PAQR7: variants seen among roughly 807,000 people sequenced by gnomAD.
PAQR7 encodes the protein progestin and adipoQ receptor family member 7, also known as membrane progestin receptor alpha.
A neutral mutation model predicts 24.6 loss-of-function variants in PAQR7; 14 were observed. The ratio of observed to expected loss-of-function variants is 0.57; its 90% CI spans 0.38 to 0.89. The LOEUF (loss-of-function observed/expected upper bound fraction) is 0.89, where lower values mean the gene tolerates loss of function less well. PAQR7 is among the 40% of genes least tolerant of loss of function. PAQR7 has a pLI of 0.00. For missense variants in PAQR7, 351 were observed against 444.0 expected (o/e 0.79, Z 1.88); for synonymous variants, 189 against 198.8 (o/e 0.95, Z 0.42).
intron 2 of PAQR7, among the ~76,000 whole-genome samples, chr1:25,868,370 C>T (rs571312942): frequency 4.9e-4 from 75 of 152,262 alleles, no homozygotes; most frequent in African/African-American, 1.6e-3. Context: ...TCCTGTGCTC[C>T]ATATCCCACT....
At position 25,862,951 on chromosome 1, in the gene PAQR7, A is replaced by G; in HGVS notation, c.889T>C (p.Tyr297His). 1 of 1,614,190 alleles carries G rather than the reference A, an allele frequency of 6.2e-7. No individual in the cohort carries two copies. Among genetic ancestry groups the G allele is most frequent in the Non-Finnish European group, 8.5e-7 (1 of 1,180,058 alleles). ...LAQLEAVALD[Y>H]EARRPIYEPL... ...TCATAGATGGGCCGTCGGGCCTCAT[A>G]GTCCAGTGCCACAGCCTCCAGCTGA... The change falls in exon 3 of 3, where the codon TAT (tyrosine) becomes CAT (histidine). Residue 297 changes from tyrosine to histidine, a missense_variant. Physicochemically the swap from Tyr to His is moderately conservative, Grantham distance 83. Coordinates refer to ENST00000675840, the MANE Select transcript of PAQR7 (RefSeq NM_178422.6).
At position 25,875,040 on chromosome 1, in the gene PAQR7, T is replaced by C. The variant is rs2048637801; in HGVS notation, c.-109+448A>G. Among the ~76,000 whole-genome samples the C allele has an allele frequency of 1.3e-5, 2 of 152,154 alleles. No individual in the cohort carries two copies. The highest frequency in any genetic ancestry group is 2.9e-5 in the Non-Finnish European group (2 of 68,024). ...ATTCCTCCTCCAGAAAGCAGTGAGC[T>C]CCCTGACTGTCCTGCTCCAGGAAGG... is the stretch of plus-strand genomic sequence containing the variant. On this transcript the variant is annotated intron_variant, in intron 1 of 2. Transcript: ENST00000675840. This position sits in a 1 kb window ranked among gnomAD's most constrained non-coding sequence, Gnocchi z 5.4.
chr1:25,867,098 T>C (rs1003015653), intron 2 of PAQR7, among the ~76,000 whole-genome samples: 3 of 152,204 alleles, frequency 2.0e-5, no homozygotes, highest in Non-Finnish European at 4.4e-5. Context: ...TAATCACAGC[T>C]CACTGCAGCC....
intron 2 of PAQR7, among the ~76,000 whole-genome samples, chr1:25,869,032 CAGG>C (rs1426095377): frequency 6.6e-6 from 1 of 151,858 alleles, no homozygotes; most frequent in East Asian, 1.9e-4. Flanking sequence ...GAAGCTAAGG[CAGG>C]AGAAGGCCTT....
intron 2 of PAQR7, among the ~76,000 whole-genome samples, chr1:25,866,857 C>T (rs1186977791): frequency 2.0e-5 from 3 of 152,102 alleles, no homozygotes; most frequent in Non-Finnish European, 2.9e-5. Flanking sequence ...CTCAGCCTCC[C>T]GAGTACCTAG....
intron 2 of PAQR7, among the ~76,000 whole-genome samples, chr1:25,869,450 T>A (rs1377181994): frequency 6.6e-6 from 1 of 151,808 alleles, no homozygotes; most frequent in Non-Finnish European, 1.5e-5. Context: ...TGCATGCTTG[T>A]AATCCCAGCT....
At position 25,875,597 on chromosome 1, in the gene PAQR7, C is replaced by G. The variant is rs958777899; in HGVS notation, c.-218G>C. ...CCCAAGCCGGGGGAGGGCGGGCGGC[C>G]TCGGGCGCTCTGGCTACAGCCGCCT... On this transcript the variant is annotated 5_prime_UTR_variant, in exon 1 of 3. Transcript: ENST00000675840. The surrounding 1 kb of genome is among the most constrained non-coding windows in gnomAD (Gnocchi z 5.4). Among the ~76,000 whole-genome samples the G allele has an allele frequency of 9.3e-5, 14 of 151,130 alleles. No homozygotes were observed. The highest frequency in any genetic ancestry group is 3.4e-4 in the African/African-American group (14 of 41,208).
At position 25,863,944 on chromosome 1, in the gene PAQR7, C is replaced by T. The variant is rs568914873; in HGVS notation, c.-22-83G>A. 7 of 976,992 alleles carry T rather than the reference C, an allele frequency of 7.2e-6. No individual in the cohort carries two copies. Among genetic ancestry groups the T allele is most frequent in the Non-Finnish European group, 9.0e-6 (6 of 669,710 alleles). The allele number at this position is 976,992 out of a possible 1,614,324, so 60.5% of individuals were successfully genotyped here. On this transcript the variant is annotated intron_variant, in intron 2 of 2. Coordinates refer to ENST00000675840, the MANE Select transcript of PAQR7 (RefSeq NM_178422.6). The surrounding 1 kb of genome is among the most constrained non-coding windows in gnomAD (Gnocchi z 6.1). ...AGCTGGGGGGCTCTGATGCCCAAAT[C>T]CTACTCCCTCCTCTCCGACAGCCTT...
rs1308220681 is a variant in PAQR7, at chr1:25,863,737, G to C, written c.103C>G (p.Arg35Gly). The change falls in exon 3 of 3, where the codon CGA becomes GGA. Residue 35 changes from arginine to glycine, a missense_variant. Coordinates refer to ENST00000675840, the MANE Select transcript of PAQR7 (RefSeq NM_178422.6). This position sits in a 1 kb window ranked among gnomAD's most constrained non-coding sequence, Gnocchi z 6.1. ...CAGAAGAGCGGCGGCACCTCAGCTC[G>C]ATCCACCGTGAAGACAGGCTCTGGC... ...LQPEPVFTVD[R>G]AEVPPLFWKP... 2 of 1,613,936 alleles carry C rather than the reference G, an allele frequency of 1.2e-6. No individual in the cohort carries two copies. Among genetic ancestry groups the C allele is most frequent in the Admixed American group, 1.7e-5 (1 of 60,018 alleles).
chr1:25,865,396 C>T (rs552653148), intron 2 of PAQR7, among the ~76,000 whole-genome samples: 5 of 152,204 alleles, frequency 3.3e-5, no homozygotes, highest in Non-Finnish European at 5.9e-5. Flanking sequence ...ACAACATGAC[C>T]GGGCGCAGTG....
In PAQR7 at chr1:25,862,012, CAAAAAAAAAAAAAAAAAAA is replaced by C. The variant is rs536655473; in HGVS notation, c.*768_*786del. The C allele has an allele frequency of 3.8e-4, 10 of 26,302 alleles. No individual in the cohort carries two copies. The highest frequency in any genetic ancestry group is 3.5e-3 in the East Asian group (1 of 284). The allele number at this position is 26,302 out of a possible 1,614,324, so 1.6% of individuals were successfully genotyped here. On this transcript the variant is annotated 3_prime_UTR_variant, in exon 3 of 3. Transcript: ENST00000675840. ...CCTAGCCAACAAGAGCGAAACTCCT[CAAAAAAAAAAAAAAAAAAA>C]AAAAAAAAAAAAGCCTTTGTCATCT...
At chr1:25,867,743 C>T (rs984926870) in intron 2 of PAQR7, among the ~76,000 whole-genome samples, 7 of 152,212 alleles carry the variant, frequency 4.6e-5, no homozygotes, top group Non-Finnish European at 8.8e-5. Context: ...AGCATCAAGA[C>T]GACCCCACCC....
chr1:25,872,203 T>TTGGCTCTGGCACAGTGC (rs2048611576), intron 1 of PAQR7, among the ~76,000 whole-genome samples: 1 of 152,220 alleles, frequency 6.6e-6, no homozygotes, highest in Non-Finnish European at 1.5e-5. Context: ...ATGCCAGGTG[T>TTGGCTCTGGCACAGTGC]TGGCTCTGGC....
At chr1:25,871,510 T>C (rs1379164465) in intron 1 of PAQR7, among the ~76,000 whole-genome samples, 1 of 152,174 alleles carries the variant, frequency 6.6e-6, no homozygotes, top group Non-Finnish European at 1.5e-5. Context: ...GGAGTGCCTC[T>C]GTCAGCCTGA....
At position 25,863,531 on chromosome 1, in the gene PAQR7, G is replaced by A. The variant is rs373339928; in HGVS notation, c.309C>T (p.His103=). 3.3e-5 allele frequency: 53 copies of A among 1,614,226 alleles called. No homozygotes were observed. The East Asian group carries it at 5.1e-4, about 16-fold the overall frequency. ...GGACAATGATGAAGAGGGGCAGGGC[G>A]TGTGGGTCTCCCCAGAAGTCCACGG... ...VETVDFWGDP[H]ALPLFIIVLA... The change falls in exon 3 of 3, where the codon CAC becomes CAT. Residue 103 remains histidine (H), a synonymous_variant. Coordinates refer to ENST00000675840, the MANE Select transcript of PAQR7 (RefSeq NM_178422.6). The surrounding 1 kb of genome is among the most constrained non-coding windows in gnomAD (Gnocchi z 6.1).
intron 1 of PAQR7, among the ~76,000 whole-genome samples, chr1:25,874,533 G>A (rs114863306): frequency 0.012 from 1,828 of 152,196 alleles, 37 homozygotes; most frequent in African/African-American, 0.041. Flanking sequence ...AACTAAGGCT[G>A]GAGAGGGGCA....
rs756204771 is a variant in PAQR7, at chr1:25,862,890, C to A, written c.950G>T (p.Gly317Val). ...LHTHWPHNFS[G>V]LFLLTVGSSI... ...GCTGCCCACCGTGAGCAGGAAGAGGCCAGAAAAGTTGTGAGGCCAGTGCGT... is the reference window on the plus strand; with the variant it reads ...GCTGCCCACCGTGAGCAGGAAGAGGACAGAAAAGTTGTGAGGCCAGTGCGT... Residue 317 changes from glycine to valine, a missense_variant, in exon 3 of 3, where the codon GGC (glycine) becomes GTC (valine). Physicochemically the swap from Gly to Val is moderately radical, Grantham distance 109. Transcript: ENST00000675840. The A allele has an allele frequency of 1.9e-6, 3 of 1,614,102 alleles. No homozygotes were observed. The highest frequency in any genetic ancestry group is 2.5e-6 in the Non-Finnish European group (3 of 1,180,012).
chr1:25,863,117 G>A lies in PAQR7; in HGVS notation c.723C>T (p.His241=). Residue 241 remains histidine (H), a synonymous_variant, in exon 3 of 3, where the codon CAC becomes CAT. Transcript: ENST00000675840. The surrounding 1 kb of genome is among the most constrained non-coding windows in gnomAD (Gnocchi z 6.1). ...GCAGAAAGAAGACCACCTGGCACTTGTGGTAGAGAAGAGCTGGATCATCCG... is the reference window on the plus strand; with the variant it reads ...GCAGAAAGAAGACCACCTGGCACTTATGGTAGAGAAGAGCTGGATCATCCG... ...PTTDDPALLY[H]KCQVVFFLLA... The A allele has an allele frequency of 1.2e-6, 2 of 1,614,166 alleles. No homozygotes were observed. Among genetic ancestry groups the A allele is most frequent in the South Asian group, 2.2e-5 (2 of 91,090 alleles).
chr1:25,874,181 A>AAT (rs2048628492), intron 1 of PAQR7, among the ~76,000 whole-genome samples: 1 of 89,590 alleles, frequency 1.1e-5, no homozygotes, highest in Non-Finnish European at 2.3e-5. Flanking sequence ...CCATGCCCAG[A>AAT]CTTTTTTTTT....
Sources: gnomAD v4.1 joint callset for allele counts (sites outside exome capture counted in the v4.1 genomes callset) on GRCh38, gnomAD v4.1.1 for gene constraint, Gnocchi (gnomAD v3.1) non-coding constraint, MANE v1.5 for transcripts, NCBI Gene and HGNC (gene_info 2026-07-23, HGNC 2026-07-21) for gene names.